SLC24A2: variants seen among roughly 807,000 people sequenced by gnomAD.
SLC24A2 encodes sodium/potassium/calcium exchanger 2.
A neutral mutation model predicts 62.0 loss-of-function variants in SLC24A2; 36 were observed. That is an observed-to-expected ratio of 0.58 (90% CI 0.44 to 0.77). SLC24A2 has a LOEUF of 0.77. Among genes scored for constraint, SLC24A2 ranks in the 30% least tolerant of loss-of-function variants. The probability of loss-of-function intolerance (pLI) is 0.00; values close to 1 mark genes in which losing one functional copy is unlikely to be tolerated. For synonymous variants in SLC24A2, 358 were observed against 294.0 expected (o/e 1.22, Z -2.23); for missense variants, 846 against 817.9 (o/e 1.03, Z -0.42).
chr9:20,019,155 A>AAGAAAGAAAGAAAGAGAGAGAG, the SLC24A2 span, among the ~76,000 whole-genome samples: 4 of 117,088 alleles, frequency 3.4e-5, no homozygotes, highest in South Asian at 2.8e-4. Flanking sequence ...GAAAGAAAGA[A>AAGAAAGAAAGAAAGAGAGAGAG]AGAGAGAGAG....
At chr9:19,554,713 C>G (rs1273461902) in intron 7 of SLC24A2, among the ~76,000 whole-genome samples, 1 of 152,196 alleles carries the variant, frequency 6.6e-6, no homozygotes, top group African/African-American at 2.4e-5. Flanking sequence ...CTTCCTCCTT[C>G]CTTCCTCTTT....
the SLC24A2 span, among the ~76,000 whole-genome samples, chr9:20,120,231 T>C: frequency 6.6e-6 from 1 of 152,202 alleles, no homozygotes; most frequent in South Asian, 2.1e-4. Flanking sequence ...ATTTTTACTT[T>C]ATGGTTAGAA....
chr9:20,052,406 G>C, the SLC24A2 span, among the ~76,000 whole-genome samples: 13 of 152,178 alleles, frequency 8.5e-5, no homozygotes, highest in Admixed American at 6.5e-4. Flanking sequence ...CCAGTGTATA[G>C]AATACAATGA....
the SLC24A2 span, among the ~76,000 whole-genome samples, chr9:20,212,721 A>G: frequency 1.3e-5 from 2 of 151,790 alleles, no homozygotes; most frequent in Non-Finnish European, 2.9e-5. Context: ...TCTCTGAAAC[A>G]TTGTAGCCTA....
chr9:19,986,541 G>A, the SLC24A2 span, among the ~76,000 whole-genome samples: 1 of 151,898 alleles, frequency 6.6e-6, no homozygotes, highest in Non-Finnish European at 1.5e-5. Flanking sequence ...GAACCCAAAT[G>A]TCCATCAGCA....
chr9:20,219,647 T>G, the SLC24A2 span, among the ~76,000 whole-genome samples: 2 of 152,148 alleles, frequency 1.3e-5, no homozygotes, highest in Admixed American at 1.3e-4. Flanking sequence ...CAATGACCGT[T>G]GGCACAGGAT....
chr9:19,710,826 G>T (rs1820693894), intron 2 of SLC24A2, among the ~76,000 whole-genome samples: 1 of 152,174 alleles, frequency 6.6e-6, no homozygotes, highest in African/African-American at 2.4e-5. Context: ...AAATCAGCCA[G>T]CTAGGAGGGT....
At chr9:20,089,988 A>G in the SLC24A2 span, among the ~76,000 whole-genome samples, 220 of 151,892 alleles carry the variant, frequency 1.4e-3, no homozygotes, top group African/African-American at 5.1e-3. Context: ...AAGGAGGAAC[A>G]AAAAGCCCCT....
At chr9:20,198,702 T>G in the SLC24A2 span, among the ~76,000 whole-genome samples, 41 of 149,466 alleles carry the variant, frequency 2.7e-4, no homozygotes, top group African/African-American at 1.0e-3. Flanking sequence ...CACCCCCTTC[T>G]CTCTCCCCAA....
chr9:19,674,893 G>C (rs1025381949), intron 2 of SLC24A2, among the ~76,000 whole-genome samples: 1 of 152,108 alleles, frequency 6.6e-6, no homozygotes, highest in African/African-American at 2.4e-5. Context: ...ATCCACTGCT[G>C]GTGAGCTAGT....
At chr9:20,180,802 A>T in the SLC24A2 span, among the ~76,000 whole-genome samples, 1 of 152,340 alleles carries the variant, frequency 6.6e-6, no homozygotes, top group East Asian at 1.9e-4. Flanking sequence ...TTAACACAGA[A>T]GAGAAGACAA....
At chr9:20,170,259 A>G in the SLC24A2 span, among the ~76,000 whole-genome samples, 23 of 149,460 alleles carry the variant, frequency 1.5e-4, no homozygotes, top group African/African-American at 5.0e-4. Context: ...TGGTGCCACA[A>G]AGTGAAACCA....
chr9:20,280,130 T>G, the SLC24A2 span, among the ~76,000 whole-genome samples: 2 of 152,088 alleles, frequency 1.3e-5, no homozygotes, highest in Non-Finnish European at 2.9e-5. Flanking sequence ...CTTGAAAAAG[T>G]AGTTTATTAG....
the SLC24A2 span, among the ~76,000 whole-genome samples, chr9:20,039,611 G>A: frequency 5.3e-5 from 8 of 152,146 alleles, no homozygotes; most frequent in South Asian, 2.1e-4. Flanking sequence ...CTTAGGTTTC[G>A]GGACATGTTT....
At chr9:20,266,603 G>A in the SLC24A2 span, among the ~76,000 whole-genome samples, 1 of 151,910 alleles carries the variant, frequency 6.6e-6, no homozygotes, top group Non-Finnish European at 1.5e-5. Context: ...AAAATTCAGG[G>A]ACACACAAAA....
chr9:19,768,634 G>A (rs1822589794), intron 2 of SLC24A2, among the ~76,000 whole-genome samples: 2 of 152,342 alleles, frequency 1.3e-5, no homozygotes, highest in South Asian at 4.1e-4. Flanking sequence ...GGGTGGGACA[G>A]AGAGCGACAG....
the SLC24A2 span, among the ~76,000 whole-genome samples, chr9:20,201,805 T>G: frequency 6.6e-6 from 1 of 152,158 alleles, no homozygotes; most frequent in East Asian, 1.9e-4. Flanking sequence ...TTTCATTCCG[T>G]CTCCCTGTGC....
chr9:19,725,048 A>G (rs1370588529), intron 2 of SLC24A2, among the ~76,000 whole-genome samples: 1 of 152,074 alleles, frequency 6.6e-6, no homozygotes, highest in African/African-American at 2.4e-5. Flanking sequence ...CTTATACTGT[A>G]GTTATATTTA....
At chr9:19,855,027 C>T in the SLC24A2 span, among the ~76,000 whole-genome samples, 1 of 152,042 alleles carries the variant, frequency 6.6e-6, no homozygotes, top group African/African-American at 2.4e-5. Flanking sequence ...TGAATTGAAC[C>T]CTTTACCATT....
Sources: allele counts gnomAD v4.1 joint callset (sites outside exome capture counted in the v4.1 genomes callset), GRCh38; gene constraint gnomAD v4.1.1; transcripts MANE v1.5; gene names NCBI Gene and HGNC (gene_info 2026-07-23, HGNC 2026-07-21).